The following DNAJA4 variants were observed in gnomAD, a reference collection of about 807,000 sequenced individuals.
DNAJA4 encodes dnaJ homolog subfamily A member 4.
DNAJA4 carries 32 observed loss-of-function variants against 39.7 expected under a neutral mutation model. The observed-to-expected ratio is 0.81, with a 90% CI of 0.61 to 1.08. DNAJA4 has a LOEUF of 1.08. Among genes scored for constraint, DNAJA4 ranks in the 50% least tolerant of loss-of-function variants. The probability of loss-of-function intolerance (pLI) is 0.00; values close to 1 mark genes in which losing one functional copy is unlikely to be tolerated. For missense variants in DNAJA4, 439 were observed against 505.1 expected (o/e 0.87, Z 1.25); for synonymous variants, 184 against 182.4 (o/e 1.01, Z -0.07).
Position 78,280,703 on chromosome 15 carries a change from C to T in DNAJA4, c.*243C>T, listed in dbSNP as rs925731611. On this transcript the variant is annotated 3_prime_UTR_variant, in exon 7 of 7. Transcript: ENST00000394852. The stretch of plus-strand genomic sequence containing the variant: ...GTCTGCATATGGAATCTGTTCATTT[C>T]TATTTTCAGGATATACTTTTGAGAT... 9.3e-6 allele frequency: 4 copies of T among 429,148 alleles called. No individual in the cohort carries two copies. Among genetic ancestry groups the T allele is most frequent in the African/African-American group, 6.0e-5 (3 of 50,022 alleles). The allele number at this position is 429,148 out of a possible 1,614,324, so 26.6% of individuals were successfully genotyped here.
At chr15:78,278,189 C>T (rs2049529808) in intron 5 of DNAJA4, 2 of 455,926 alleles carry the variant, frequency 4.4e-6, no homozygotes, top group Non-Finnish European at 8.8e-6. Flanking sequence ...GAGCCTAACT[C>T]GTGGTCTTCT....
intron 2 of DNAJA4, among the ~76,000 whole-genome samples, chr15:78,271,626 C>G (rs2049300729): frequency 6.6e-6 from 1 of 152,200 alleles, no homozygotes; most frequent in African/African-American, 2.4e-5. Context: ...GCCCTTAGCT[C>G]AATGGCCCCA....
At chr15:78,266,638 G>GCTGCCT (rs940353045) in intron 1 of DNAJA4, among the ~76,000 whole-genome samples, 43 of 152,322 alleles carry the variant, frequency 2.8e-4, no homozygotes, top group African/African-American at 1.0e-3. Flanking sequence ...CTTCCAGGAG[G>GCTGCCT]CTGCCTCTGC....
chr15:78,278,221 T>C (rs1251660172), intron 5 of DNAJA4: 1 of 456,080 alleles, frequency 2.2e-6, no homozygotes, highest in South Asian at 1.5e-5. Context: ...TAGTTTTCCA[T>C]GCTTGGTCAG....
At position 78,280,450 on chromosome 15, in the gene DNAJA4, A is replaced by C; in HGVS notation, c.1184A>C (p.Gln395Pro). Residue 395 changes from glutamine (Q) to proline (P), a missense_variant, in exon 7 of 7, where the codon CAG becomes CCG. Transcript: ENST00000394852. ...EDGPQAGVQC[Q>P]TA is the part of the protein sequence containing the mutation. ...GGGCCCCAGGCTGGAGTGCAGTGCC[A>C]GACGGCATGACGTGGTGCGGGGCAG... 1 of 1,610,134 alleles carries C rather than the reference A, an allele frequency of 6.2e-7. No individual in the cohort carries two copies. The highest frequency in any genetic ancestry group is 2.2e-5 in the East Asian group (1 of 44,788).
rs765085469 is a variant in DNAJA4 at position 78,264,791 on chromosome 15, A to C, written c.28A>C (p.Ile10Leu). Residue 10 changes from isoleucine to leucine, a missense_variant, in exon 1 of 7, where the codon ATC becomes CTC. Coordinates refer to ENST00000394852, the MANE Select transcript of DNAJA4 (RefSeq NM_001130182.2). ...GGTGAAGGAGACCCAGTACTATGAC[A>C]TCCTGGGCGTGAAGCCCAGCGCGTC... MVKETQYYD[I>L]LGVKPSASPE... 3 of 1,608,712 alleles carry C rather than the reference A, an allele frequency of 1.9e-6. No homozygotes were observed. Among genetic ancestry groups the C allele is most frequent in the Non-Finnish European group, 2.5e-6 (3 of 1,177,306 alleles).
upstream of DNAJA4, chr15:78,264,263 A>C: frequency 1.2e-5 from 15 of 1,236,840 alleles, no homozygotes; most frequent in Non-Finnish European, 1.5e-5. Context: ...GCGGCGGGAC[A>C]GTTGTCGGAG....
chr15:78,279,745 G>A lies in DNAJA4; in HGVS notation c.878-300G>A, dbSNP rs1486548443. On this transcript the variant is annotated intron_variant, in intron 5 of 6. Coordinates refer to ENST00000394852, the MANE Select transcript of DNAJA4 (RefSeq NM_001130182.2). The surrounding 1 kb of genome is among the most constrained non-coding windows in gnomAD (Gnocchi z 4.5). ...GTTGGCCCCATTTTAGGCAGACTTG[G>A]GTGTCATGACTTCTAGTTCACTTGT... 2 of 432,938 alleles carry A rather than the reference G, an allele frequency of 4.6e-6. No homozygotes were observed. The highest frequency in any genetic ancestry group is 6.2e-5 in the South Asian group (2 of 32,162). The allele number at this position is 432,938 out of a possible 1,614,324, so 26.8% of individuals were successfully genotyped here. A position where few individuals can be genotyped will look rare whatever the true frequency, so the allele number is the denominator to read the frequency against.
chr15:78,265,513 G>A (rs1237201794), intron 1 of DNAJA4: 2 of 702,212 alleles, frequency 2.8e-6, no homozygotes, highest in Admixed American at 4.0e-5. Flanking sequence ...ACATCAGCTT[G>A]TACTCATATT....
intron 1 of DNAJA4, chr15:78,266,281 A>G (rs2049120588): frequency 6.2e-7 from 1 of 1,613,484 alleles, no homozygotes; most frequent in African/African-American, 1.3e-5. Context: ...GTCAAATCTC[A>G]GCACTCACAA....
At position 78,272,483 on chromosome 15, in the gene DNAJA4, G is replaced by A. The variant is rs1013567262; in HGVS notation, c.314-612G>A. On this transcript the variant is annotated intron_variant, in intron 2 of 6. Coordinates refer to ENST00000394852, the MANE Select transcript of DNAJA4 (RefSeq NM_001130182.2). ...GGACAGCTCATCTCAGTGACTGCAG[G>A]AGCTCCACGGGCAGCAGGGAGGGTC... Among the ~76,000 whole-genome samples, 7 of 152,330 alleles carry A rather than the reference G, an allele frequency of 4.6e-5. No individual in the cohort carries two copies. In the East Asian group the frequency reaches 1.3e-3, roughly 29 times the overall value.
chr15:78,265,794 G>T (rs1027391636), intron 1 of DNAJA4: 3 of 635,472 alleles, frequency 4.7e-6, no homozygotes, highest in Non-Finnish European at 5.6e-6. Context: ...GTCTTGAGAG[G>T]TGGGGCCGTT....
intron 3 of DNAJA4, 124 bp from the exon 4 acceptor site, chr15:78,274,073 T>G: frequency 5.0e-6 from 4 of 793,666 alleles, no homozygotes; most frequent in Non-Finnish European, 4.0e-6. Context: ...TTTTTATTAT[T>G]GTAAATAGAA....
chr15:78,281,528 C>T lies in DNAJA4; in HGVS notation c.*1068C>T, dbSNP rs1333698446. Reference sequence around the variant, plus strand: ...TTGGTAAGAACTTCGCTGAGTTCCACTGTGGATTACAGTTTGTATGGACTA... The same window carrying T: ...TTGGTAAGAACTTCGCTGAGTTCCATTGTGGATTACAGTTTGTATGGACTA... On this transcript the variant is annotated 3_prime_UTR_variant, in exon 7 of 7. Coordinates refer to ENST00000394852, the MANE Select transcript of DNAJA4 (RefSeq NM_001130182.2). 1 of 152,214 alleles carries T rather than the reference C, an allele frequency of 6.6e-6. No individual in the cohort carries two copies. The highest frequency in any genetic ancestry group is 1.5e-5 in the Non-Finnish European group (1 of 68,042). The allele number at this position is 152,214 out of a possible 1,614,324, so 9.4% of individuals were successfully genotyped here.
At chr15:78,274,749 C>G (rs529038349) in intron 4 of DNAJA4, 96 of 375,834 alleles carry the variant, frequency 2.6e-4, no homozygotes, top group African/African-American at 1.6e-3. Context: ...AGCCATTCCT[C>G]TAGAATCTTT....
chr15:78,271,070 C>G (rs901174336), intron 2 of DNAJA4, among the ~76,000 whole-genome samples: 3 of 151,796 alleles, frequency 2.0e-5, no homozygotes, highest in Non-Finnish European at 4.4e-5. Context: ...AACAAACAAA[C>G]AAAAAACCCC....
chr15:78,274,490 TACAC>T (rs1484556441), intron 4 of DNAJA4, 66 bp downstream of exon 4: 8 of 1,388,362 alleles, frequency 5.8e-6, no homozygotes, highest in Admixed American at 1.7e-5. Context: ...AATCGTGAGA[TACAC>T]AGACTAGATG....
At chr15:78,266,147 C>T in intron 1 of DNAJA4, 2 of 1,364,082 alleles carry the variant, frequency 1.5e-6, no homozygotes, top group African/African-American at 1.4e-5. Context: ...ATTCATCCAC[C>T]TGCTCCCTAC....
intron 1 of DNAJA4, among the ~76,000 whole-genome samples, chr15:78,265,106 G>A (rs549646588): frequency 8.5e-5 from 13 of 152,356 alleles, no homozygotes; most frequent in Admixed American, 7.8e-4. Flanking sequence ...GGAGGCATGT[G>A]GTGCGGCACT....
Sources: gnomAD v4.1 joint callset for allele counts (sites outside exome capture counted in the v4.1 genomes callset) on GRCh38, gnomAD v4.1.1 for gene constraint, Gnocchi (gnomAD v3.1) non-coding constraint, MANE v1.5 for transcripts, NCBI Gene and HGNC (gene_info 2026-07-23, HGNC 2026-07-21) for gene names.